The following PYM1 variants were observed in gnomAD, a reference collection of about 807,000 sequenced individuals.
PYM1 encodes the protein PYM1 exon junction complex associated factor, also known as partner of Y14 and mago.
Under a neutral mutation model 20.7 loss-of-function variants are expected in PYM1, and 7 were observed. The ratio of observed to expected loss-of-function variants is 0.34; its 90% CI spans 0.19 to 0.64. The LOEUF (loss-of-function observed/expected upper bound fraction) is 0.64, where lower values mean the gene tolerates loss of function less well. Ranked by LOEUF, PYM1 falls within the 30% of genes least tolerant of loss-of-function variation. The pLI, the probability that PYM1 is intolerant of heterozygous loss-of-function variation, is 0.74. For synonymous variants in PYM1, 100 were observed against 99.2 expected, an observed-to-expected ratio of 1.01 and a Z score of -0.05; for missense variants, 194 against 250.0, an observed-to-expected ratio of 0.78 and a Z score of 1.51.
At chr12:55,911,345 C>A (rs1163641982) in intron 1 of PYM1, among the ~76,000 whole-genome samples, 1 of 151,914 alleles carries the variant, frequency 6.6e-6, no homozygotes, top group African/African-American at 2.4e-5. Flanking sequence ...CTCCTGACCT[C>A]ATGTGATCCA....
chr12:55,906,265 C>G (rs1240602900), intron 1 of PYM1, among the ~76,000 whole-genome samples: 2 of 151,576 alleles, frequency 1.3e-5, no homozygotes, highest in Non-Finnish European at 2.9e-5. Context: ...GCTTACTTCC[C>G]ATGAGTCACA....
chr12:55,907,463 C>CAAAA (rs770960966), intron 1 of PYM1, among the ~76,000 whole-genome samples: 10 of 52,002 alleles, frequency 1.9e-4, no homozygotes, highest in African/African-American at 5.7e-4. Flanking sequence ...TACATAAATA[C>CAAAA]AAAAAAAAAA....
At chr12:55,913,552 A>T (rs1393816293) in intron 1 of PYM1, among the ~76,000 whole-genome samples, 1 of 152,200 alleles carries the variant, frequency 6.6e-6, no homozygotes, top group East Asian at 1.9e-4. Flanking sequence ...AAACTGAAAA[A>T]TGTGTACCAT....
chr12:55,924,919 A>G (rs1303054209), intron 1 of PYM1, among the ~76,000 whole-genome samples: 1 of 152,210 alleles, frequency 6.6e-6, no homozygotes, highest in African/African-American at 2.4e-5. Context: ...CCCTGACCTC[A>G]GTTGATCCAC....
intron 1 of PYM1, among the ~76,000 whole-genome samples, chr12:55,921,097 A>G (rs1386635680): frequency 6.6e-6 from 1 of 152,214 alleles, no homozygotes. Flanking sequence ...CCAGTTTAGG[A>G]GGTCACAGTA....
Position 55,926,733 on chromosome 12 carries a change from G to T in PYM1, c.37+992C>A, listed in dbSNP as rs373962647. Among the ~76,000 whole-genome samples the T allele has an allele frequency of 7.8e-4, 118 of 152,212 alleles. 1 individual carries two copies. Among genetic ancestry groups the T allele is most frequent in the African/African-American group, 2.6e-3 (109 of 41,520 alleles). ...GGGGAGGGGAAAAGAAGGAGGGCAGGAACTGGAGGGAAATGAGAGTGTAGA... is the reference window on the plus strand; with the variant it reads ...GGGGAGGGGAAAAGAAGGAGGGCAGTAACTGGAGGGAAATGAGAGTGTAGA... On this transcript the variant is annotated intron_variant, in intron 1 of 2. Coordinates refer to ENST00000408946, the MANE Select transcript of PYM1 (RefSeq NM_032345.3).
intron 1 of PYM1, among the ~76,000 whole-genome samples, chr12:55,912,408 G>C (rs904196597): frequency 1.3e-5 from 2 of 151,758 alleles, no homozygotes; most frequent in East Asian, 3.9e-4. Flanking sequence ...GGGGTGATAA[G>C]ATAACTTTTC....
At position 55,901,869 on chromosome 12, in the gene PYM1, G is replaced by T. The variant is rs1328537698; in HGVS notation, c.*3C>A. 2 of 1,598,590 alleles carry T rather than the reference G, an allele frequency of 1.3e-6. No homozygotes were observed. Among genetic ancestry groups the T allele is most frequent in the East Asian group, 4.5e-5 (2 of 44,736 alleles). Reference sequence around the variant, plus strand: ...GCAGTCCATTCCCTATTCCCCAAAGGCCTCAGAGGCCTAACTCCAAGTCCT... The same window carrying T: ...GCAGTCCATTCCCTATTCCCCAAAGTCCTCAGAGGCCTAACTCCAAGTCCT... On this transcript the variant is annotated 3_prime_UTR_variant, in exon 3 of 3. Transcript: ENST00000408946.
intron 1 of PYM1, among the ~76,000 whole-genome samples, chr12:55,908,116 G>A (rs994912210): frequency 6.6e-6 from 1 of 151,734 alleles, no homozygotes; most frequent in South Asian, 2.1e-4. Context: ...GGTGGCGGGC[G>A]CCTTTAATCC....
At chr12:55,920,432 G>A (rs1244833440) in intron 1 of PYM1, among the ~76,000 whole-genome samples, 1 of 152,010 alleles carries the variant, frequency 6.6e-6, no homozygotes, top group Admixed American at 6.6e-5. Flanking sequence ...GAGGCCAGGA[G>A]TTCAAGACCA....
intron 1 of PYM1, among the ~76,000 whole-genome samples, chr12:55,915,762 T>C (rs1882995454): frequency 6.6e-6 from 1 of 152,060 alleles, no homozygotes; most frequent in East Asian, 1.9e-4. Context: ...CAGGAAAACC[T>C]CATTTGACAC....
intron 1 of PYM1, among the ~76,000 whole-genome samples, chr12:55,906,928 G>T (rs1359669637): frequency 6.6e-6 from 1 of 152,004 alleles, no homozygotes; most frequent in Non-Finnish European, 1.5e-5. Context: ...GATTACAGGT[G>T]TGAGCCACCG....
At chr12:55,926,964 G>A (rs1173066852) in intron 1 of PYM1, 2 of 1,150,660 alleles carry the variant, frequency 1.7e-6, no homozygotes, top group South Asian at 1.6e-5. Context: ...GGCGGTCCGG[G>A]GGGCGGGGCA....
At chr12:55,926,231 T>C (rs1325233415) in intron 1 of PYM1, among the ~76,000 whole-genome samples, 1 of 152,184 alleles carries the variant, frequency 6.6e-6, no homozygotes, top group Non-Finnish European at 1.5e-5. Flanking sequence ...ACTATGCATA[T>C]TTTCCTAAAG....
rs1021174903 is a variant in PYM1, at chr12:55,906,938, G to A, written c.38-3458C>T. 4.6e-5 allele frequency among the ~76,000 whole-genome samples: 7 copies of A among 151,908 alleles called. No homozygotes were observed. The South Asian group carries it at 1.2e-3, about 27-fold the overall frequency. ...CCTGAGATTACAGGTGTGAGCCACC[G>A]CACCCAGCCAGTATGGTACTATTCT... On this transcript the variant is annotated intron_variant, in intron 1 of 2. Coordinates refer to ENST00000408946, the MANE Select transcript of PYM1 (RefSeq NM_032345.3).
chr12:55,906,185 G>A (rs1882813372), intron 1 of PYM1, among the ~76,000 whole-genome samples: 1 of 148,782 alleles, frequency 6.7e-6, no homozygotes, highest in Admixed American at 6.8e-5. Flanking sequence ...ACTGCTCCAT[G>A]AGAAGAAAGT....
chr12:55,911,284 T>C (rs1470355749), intron 1 of PYM1, among the ~76,000 whole-genome samples: 1 of 151,678 alleles, frequency 6.6e-6, no homozygotes, highest in East Asian at 2.0e-4. Context: ...AATTTTTATA[T>C]ATTTTTAAGT....
chr12:55,908,644 G>C (rs1028710756), intron 1 of PYM1, among the ~76,000 whole-genome samples: 4 of 152,010 alleles, frequency 2.6e-5, no homozygotes, highest in Non-Finnish European at 5.9e-5. Context: ...CTGAGATCAG[G>C]AGTTCGAGAC....
At position 55,902,154 on chromosome 12, in the gene PYM1, C is replaced by T; in HGVS notation, c.333G>A (p.Arg111=). ...CTTCCAGGGACACCTTATCAAGAGT[C>T]CTGCTCAAGGCCTCTGCCTCTCCTT... ...QEKGEAEALS[R]TLDKVSLEET... is the part of the protein sequence containing the mutation. Residue 111 remains arginine, a synonymous_variant, in exon 3 of 3, where the codon AGG becomes AGA. Transcript: ENST00000408946. The T allele has an allele frequency of 6.2e-7, 1 of 1,614,116 alleles. No individual in the cohort carries two copies. The highest frequency in any genetic ancestry group is 1.3e-5 in the African/African-American group (1 of 75,044).
Sources: allele counts gnomAD v4.1 joint callset (sites outside exome capture counted in the v4.1 genomes callset), GRCh38; gene constraint gnomAD v4.1.1; transcripts MANE v1.5; gene names NCBI Gene and HGNC (gene_info 2026-07-23, HGNC 2026-07-21).